NFASC: variants seen among roughly 807,000 people sequenced by gnomAD.
NFASC encodes neurofascin homolog.
NFASC carries 43 observed loss-of-function variants against 147.5 expected under a neutral mutation model. The ratio of observed to expected loss-of-function variants is 0.29; its 90% CI spans 0.23 to 0.38. The LOEUF is 0.38. Among genes scored for constraint, NFASC ranks in the 10% least tolerant of loss-of-function variants. The pLI is 1.00. For missense variants in NFASC, 1,320 were observed against 1,689.0 expected (o/e 0.78, Z 3.83); for synonymous variants, 622 against 665.5 (o/e 0.93, Z 1.01).
rs2096366929 is a variant in NFASC at position 205,016,877 on chromosome 1, T to G, written c.*338T>G. The G allele has an allele frequency of 2.5e-6, 1 of 401,518 alleles. No homozygotes were observed. The highest frequency in any genetic ancestry group is 4.8e-6 in the Non-Finnish European group (1 of 210,026). The allele number at this position is 401,518 out of a possible 1,614,324, so 24.9% of individuals were successfully genotyped here. On this transcript the variant is annotated 3_prime_UTR_variant, in exon 30 of 30. Coordinates refer to ENST00000339876, the MANE Select transcript of NFASC (RefSeq NM_001005388.3). This position sits in a 1 kb window ranked among gnomAD's most constrained non-coding sequence, Gnocchi z 5.1. ...CTCGGCACACGCTCACCTTTTCTGTTGGTTACGGGACTTCTCATTGTCTTA... is the reference window on the plus strand; with the variant it reads ...CTCGGCACACGCTCACCTTTTCTGTGGGTTACGGGACTTCTCATTGTCTTA...
At chr1:204,961,208 T>C (rs1042957418) in intron 8 of NFASC, among the ~76,000 whole-genome samples, 4 of 152,204 alleles carry the variant, frequency 2.6e-5, no homozygotes, top group Non-Finnish European at 5.9e-5. Flanking sequence ...AATGTCTTTC[T>C]CATTAAGGAG....
chr1:204,836,163 TGTGC>T (rs886943445), intron 1 of NFASC, among the ~76,000 whole-genome samples: 18 of 152,280 alleles, frequency 1.2e-4, no homozygotes, highest in African/African-American at 4.3e-4. Context: ...TATGTCTGTG[TGTGC>T]GTGTGTGTGT....
chr1:204,981,795 C>T lies in NFASC; in HGVS notation c.2248-3C>T. On this transcript the variant is annotated splice_polypyrimidine_tract_variant and splice_region_variant and intron_variant, in intron 20 of 29. Transcript: ENST00000339876. ...TCTCCAGCCTGTCTGTCCCTCTGCC[C>T]AGCCCATGAATGCCACCTCGGCCTT... 1 of 1,545,850 alleles carries T rather than the reference C, an allele frequency of 6.5e-7. No individual in the cohort carries two copies. Among genetic ancestry groups the T allele is most frequent in the Non-Finnish European group, 8.8e-7 (1 of 1,141,908 alleles).
chr1:205,007,615 CTTTG>C (rs148408520), intron 27 of NFASC, among the ~76,000 whole-genome samples: 7,199 of 152,046 alleles, frequency 0.047, 311 homozygotes, highest in African/African-American at 0.12. Context: ...GGGAGAGGGG[CTTTG>C]TTTAAGCTGG....
At chr1:204,951,537 C>T (rs145997615) in intron 4 of NFASC, among the ~76,000 whole-genome samples, 6 of 146,338 alleles carry the variant, frequency 4.1e-5, no homozygotes, top group Admixed American at 2.1e-4. Flanking sequence ...GGTGCGATCT[C>T]GGCTCACTGC....
At chr1:204,984,161 G>T (rs1323476579) in intron 21 of NFASC, 4 of 1,559,426 alleles carry the variant, frequency 2.6e-6, no homozygotes, top group Non-Finnish European at 3.5e-6. Context: ...GCCAGCTCCG[G>T]ACTCACCTAA....
chr1:205,015,589 C>T lies in NFASC; in HGVS notation c.3492-719C>T, dbSNP rs1414325248. Among the ~76,000 whole-genome samples, 2 of 152,138 alleles carry T rather than the reference C, an allele frequency of 1.3e-5. No individual in the cohort carries two copies. Among genetic ancestry groups the T allele is most frequent in the African/African-American group, 2.4e-5 (1 of 41,436 alleles). ...GGAGCTTAGGGTCAGGGCCTATGGG[C>T]CTCAGAAGGGGCTGGGCATGATCCT... On this transcript the variant is annotated intron_variant, in intron 29 of 29. Coordinates refer to ENST00000339876, the MANE Select transcript of NFASC (RefSeq NM_001005388.3). The surrounding 1 kb of genome is among the most constrained non-coding windows in gnomAD (Gnocchi z 4.0).
In NFASC at chr1:204,991,278, G is replaced by A. The variant is rs377662474; in HGVS notation, c.2768-14G>A. On this transcript the variant is annotated splice_polypyrimidine_tract_variant and intron_variant, in intron 23 of 29. Coordinates refer to ENST00000339876, the MANE Select transcript of NFASC (RefSeq NM_001005388.3). Reference sequence around the variant, plus strand: ...CTCCCTCTGTCTGGCCATCTTGGGCGCTGTGTTCTGAAGCTACTCCAACCG... The same window carrying A: ...CTCCCTCTGTCTGGCCATCTTGGGCACTGTGTTCTGAAGCTACTCCAACCG... 49 of 1,612,308 alleles carry A rather than the reference G, an allele frequency of 3.0e-5. No homozygotes were observed. Among genetic ancestry groups the A allele is most frequent in the East Asian group, 1.1e-4 (5 of 44,854 alleles).
rs1447678035 is a variant in NFASC at position 205,015,198 on chromosome 1, G to A, written c.3492-1110G>A. Among the ~76,000 whole-genome samples, 2 of 152,190 alleles carry A rather than the reference G, an allele frequency of 1.3e-5. No homozygotes were observed. Among genetic ancestry groups the A allele is most frequent in the African/African-American group, 4.8e-5 (2 of 41,448 alleles). On this transcript the variant is annotated intron_variant, in intron 29 of 29. Coordinates refer to ENST00000339876, the MANE Select transcript of NFASC (RefSeq NM_001005388.3). The surrounding 1 kb of genome is among the most constrained non-coding windows in gnomAD (Gnocchi z 4.0). The stretch of plus-strand genomic sequence containing the variant: ...GGTTGTCTTCCCCACGTCCAGGAAG[G>A]ACTGGGGGTGGGTGGGGAGCTGGGG...
chr1:204,952,577 C>T (rs1209409903), intron 5 of NFASC, among the ~76,000 whole-genome samples: 9 of 152,136 alleles, frequency 5.9e-5, no homozygotes, highest in Admixed American at 2.0e-4. Flanking sequence ...CTGTTACTCA[C>T]GTTTTGTTCG....
intron 21 of NFASC, among the ~76,000 whole-genome samples, chr1:204,985,354 GA>G: frequency 6.6e-6 from 1 of 152,292 alleles, no homozygotes; most frequent in Middle Eastern, 3.4e-3. Flanking sequence ...CATCCCTAAA[GA>G]TCTTCCAACA....
chr1:204,840,115 T>A (rs1050843057), intron 1 of NFASC, among the ~76,000 whole-genome samples: 1 of 152,200 alleles, frequency 6.6e-6, no homozygotes, highest in Non-Finnish European at 1.5e-5. Flanking sequence ...CTTGTTAAAA[T>A]GCAGGTTCAG....
Position 204,979,879 on chromosome 1 carries a change from A to G in NFASC, c.2176+320A>G, listed in dbSNP as rs1354236640. ...TGGCAAAGAGGTACAGCAGAAATAC[A>G]TAATTCAGTGTGAGAAATATATAAA... On this transcript the variant is annotated intron_variant, in intron 19 of 29. Transcript: ENST00000339876. This position sits in a 1 kb window ranked among gnomAD's most constrained non-coding sequence, Gnocchi z 6.0. 1.3e-5 allele frequency among the ~76,000 whole-genome samples: 2 copies of G among 152,254 alleles called. No homozygotes were observed. Among genetic ancestry groups the G allele is most frequent in the African/African-American group, 2.4e-5 (1 of 41,476 alleles).
At chr1:204,995,281 GTC>G (rs1322215833) in intron 24 of NFASC, among the ~76,000 whole-genome samples, 2 of 151,216 alleles carry the variant, frequency 1.3e-5, no homozygotes, top group East Asian at 2.0e-4. Flanking sequence ...TGCCCCATGG[GTC>G]TCTCAGGCTT....
chr1:204,869,069 T>C (rs1334880032), intron 1 of NFASC, among the ~76,000 whole-genome samples: 2 of 152,222 alleles, frequency 1.3e-5, no homozygotes, highest in African/African-American at 4.8e-5. Context: ...TAGCCCTGTA[T>C]TCATTATAGG....
chr1:204,883,282 CA>C (rs2080649470), intron 1 of NFASC, among the ~76,000 whole-genome samples: 1 of 152,164 alleles, frequency 6.6e-6, no homozygotes, highest in Non-Finnish European at 1.5e-5. Flanking sequence ...TTGGATAGAA[CA>C]AGGTGCAGAG....
At chr1:205,008,601 C>G (rs1019526779) in intron 27 of NFASC, 1 of 151,418 alleles carries the variant, frequency 6.6e-6, no homozygotes, top group Admixed American at 6.6e-5. Context: ...CACACCCCCC[C>G]TCCCAAACCC....
intron 2 of NFASC, among the ~76,000 whole-genome samples, chr1:204,926,330 GT>G (rs1247132992): frequency 3.0e-5 from 4 of 131,994 alleles, no homozygotes; most frequent in Middle Eastern, 4.8e-3. Context: ...AAGTATCACA[GT>G]TTTTTTTCTA....
At chr1:204,995,816 TTC>T (rs1407979926) in intron 24 of NFASC, among the ~76,000 whole-genome samples, 1 of 152,090 alleles carries the variant, frequency 6.6e-6, no homozygotes, top group East Asian at 1.9e-4. Flanking sequence ...TCTCTGGCAA[TTC>T]TTTCTCTGGC....
Sources: allele counts gnomAD v4.1 joint callset (sites outside exome capture counted in the v4.1 genomes callset), GRCh38; gene constraint gnomAD v4.1.1; non-coding constraint Gnocchi (gnomAD v3.1); transcripts MANE v1.5; gene names NCBI Gene and HGNC (gene_info 2026-07-23, HGNC 2026-07-21).